ACLY: variants seen among roughly 807,000 people sequenced by gnomAD.
ACLY encodes ATP citrate lyase.
A neutral mutation model predicts 133.0 loss-of-function variants in ACLY; 41 were observed. The observed-to-expected ratio is 0.31, with a 90% CI of 0.24 to 0.40. ACLY has a LOEUF of 0.40. ACLY is among the 10% of genes least tolerant of loss of function. The pLI is 1.00. For synonymous variants in ACLY, 495 were observed against 549.3 expected (o/e 0.90, Z 1.38); for missense variants, 1,046 against 1,453.8 (o/e 0.72, Z 4.56).
intron 18 of ACLY, among the ~76,000 whole-genome samples, chr17:41,885,408 T>A (rs951837914): frequency 3.3e-5 from 5 of 152,120 alleles, no homozygotes; most frequent in Admixed American, 2.0e-4. Flanking sequence ...CTCAACAGCT[T>A]TTGGTTTCTA....
At chr17:41,918,520 C>T (rs1555634881) in intron 1 of ACLY, among the ~76,000 whole-genome samples, 2 of 152,214 alleles carry the variant, frequency 1.3e-5, no homozygotes, top group African/African-American at 4.8e-5. Context: ...AGCCAAAAGG[C>T]GTCCCGATGA....
At position 41,878,206 on chromosome 17, in the gene ACLY, A is replaced by C. The variant is rs781965839; in HGVS notation, c.2394-10T>G. 2 of 1,545,236 alleles carry C rather than the reference A, an allele frequency of 1.3e-6. No individual in the cohort carries two copies. The highest frequency in any genetic ancestry group is 4.2e-5 in the Admixed American group (2 of 48,104). On this transcript the variant is annotated splice_polypyrimidine_tract_variant and intron_variant, in intron 21 of 28. Coordinates refer to ENST00000352035, the MANE Select transcript of ACLY (RefSeq NM_001096.3). ...ATCTTCGTATACAGACCTGGGAGGC[A>C]GGAAAAAAAAGACATCCATGTGGAT...
At chr17:41,913,120 T>C (rs1342741242) in intron 2 of ACLY, among the ~76,000 whole-genome samples, 1 of 152,194 alleles carries the variant, frequency 6.6e-6, no homozygotes, top group African/African-American at 2.4e-5. Context: ...GCTTACTCTC[T>C]GAGCCCTGCC....
chr17:41,925,700 T>C (rs2050235395), intron 1 of ACLY, among the ~76,000 whole-genome samples: 1 of 152,052 alleles, frequency 6.6e-6, no homozygotes, highest in African/African-American at 2.4e-5. Flanking sequence ...TAGAAGGATG[T>C]TGAAGTAATC....
chr17:41,879,869 C>G (rs552942727), intron 20 of ACLY, among the ~76,000 whole-genome samples: 1 of 151,478 alleles, frequency 6.6e-6, no homozygotes, highest in Non-Finnish European at 1.5e-5. Context: ...GCGTATGCCA[C>G]CACAGGTGTA....
intron 16 of ACLY, 33 bp from the exon 17 acceptor site, chr17:41,887,736 T>G (rs1555628534): frequency 1.9e-6 from 3 of 1,587,016 alleles, no homozygotes; most frequent in Admixed American, 1.7e-5. Context: ...TCCTGTTAAC[T>G]CTCTGCCTCA....
intron 15 of ACLY, among the ~76,000 whole-genome samples, 196 bp from the exon 16 acceptor site, chr17:41,892,643 C>A (rs914550885): frequency 2.6e-5 from 4 of 151,730 alleles, no homozygotes; most frequent in Non-Finnish European, 5.9e-5. Flanking sequence ...CCTTCCCCAG[C>A]AAAGGGAATG....
intron 26 of ACLY, 86 bp from the exon 27 acceptor site, chr17:41,869,211 A>G: frequency 8.3e-7 from 1 of 1,200,668 alleles, no homozygotes; most frequent in Non-Finnish European, 1.2e-6. Context: ...ATTACTACGA[A>G]TTGTGACCAT....
At chr17:41,904,544 G>A (rs1487624509) in intron 10 of ACLY, 185 bp downstream of exon 10, 4 of 605,256 alleles carry the variant, frequency 6.6e-6, no homozygotes, top group Admixed American at 5.6e-5. Flanking sequence ...GACACACAGC[G>A]CAGATGGGCA....
At chr17:41,882,106 C>T (rs932116797) in intron 20 of ACLY, among the ~76,000 whole-genome samples, 3 of 152,076 alleles carry the variant, frequency 2.0e-5, no homozygotes, top group Non-Finnish European at 2.9e-5. Flanking sequence ...TGGTGGCTCA[C>T]GCCTGTAATC....
At chr17:41,878,078 T>C in intron 22 of ACLY, 25 bp downstream of exon 22, 2 of 1,485,624 alleles carry the variant, frequency 1.3e-6, no homozygotes, top group Non-Finnish European at 1.8e-6. Context: ...TTGCTCACAC[T>C]GTTAGAGACA....
intron 1 of ACLY, among the ~76,000 whole-genome samples, chr17:41,916,066 A>C (rs1555634455): frequency 6.6e-6 from 1 of 152,156 alleles, no homozygotes; most frequent in Non-Finnish European, 1.5e-5. Flanking sequence ...CTGAGAAATC[A>C]CAGTTTTCTT....
At chr17:41,875,357 A>AAG (rs2048708773) in intron 22 of ACLY, among the ~76,000 whole-genome samples, 1 of 150,590 alleles carries the variant, frequency 6.6e-6, no homozygotes, top group Non-Finnish European at 1.5e-5. Flanking sequence ...TCTCAAAAAA[A>AAG]AAAAAAAAGG....
intron 10 of ACLY, among the ~76,000 whole-genome samples, chr17:41,904,029 A>G (rs1207113834): frequency 1.3e-5 from 2 of 151,768 alleles, no homozygotes; most frequent in Admixed American, 1.3e-4. Context: ...AGGCAGGAGA[A>G]TCACTTGAAC....
intron 20 of ACLY, among the ~76,000 whole-genome samples, chr17:41,880,496 G>A (rs1324897822): frequency 1.3e-4 from 20 of 152,202 alleles, no homozygotes; most frequent in Non-Finnish European, 2.9e-4. Context: ...GTTTAAAGAA[G>A]TTAAGTTTCT....
intron 9 of ACLY, among the ~76,000 whole-genome samples, chr17:41,905,198 T>C (rs2049675488): frequency 6.6e-6 from 1 of 152,222 alleles, no homozygotes; most frequent in African/African-American, 2.4e-5. Context: ...CTGAGTTTAT[T>C]GCAATCAGAG....
intron 22 of ACLY, among the ~76,000 whole-genome samples, chr17:41,876,395 C>G (rs2144229096): frequency 6.6e-6 from 1 of 152,270 alleles, no homozygotes; most frequent in African/African-American, 2.4e-5. Flanking sequence ...GCCCGGCCAC[C>G]ACCCTGTCTG....
chr17:41,901,603 A>C, intron 11 of ACLY, 93 bp downstream of exon 11: 2 of 1,068,862 alleles, frequency 1.9e-6, no homozygotes, highest in South Asian at 1.5e-5. Context: ...AGAGAGCAAA[A>C]GAGCCTAAGA....
At chr17:41,924,443 G>A (rs782776167) in intron 1 of ACLY, among the ~76,000 whole-genome samples, 3 of 151,896 alleles carry the variant, frequency 2.0e-5, no homozygotes, top group Non-Finnish European at 2.9e-5. Context: ...CACCGTGCCC[G>A]GCTACTATTT....
Sources: gnomAD v4.1 joint callset for allele counts (sites outside exome capture counted in the v4.1 genomes callset) on GRCh38, gnomAD v4.1.1 for gene constraint, MANE v1.5 for transcripts, NCBI Gene and HGNC (gene_info 2026-07-23, HGNC 2026-07-21) for gene names.